Variants in LPAR1 observed in about 807,000 individuals in gnomAD.
The protein encoded by LPAR1 is lysophosphatidic acid receptor 1, also known as LPA receptor 1.
LPAR1 carries 5 observed loss-of-function variants against 23.8 expected under a neutral mutation model. That is an observed-to-expected ratio of 0.21 (90% CI 0.11 to 0.44). LPAR1 has a LOEUF of 0.44. Among genes scored for constraint, LPAR1 ranks in the 20% least tolerant of loss-of-function variants. LPAR1 has a pLI of 0.99. For synonymous variants in LPAR1, 160 were observed against 164.7 expected (o/e 0.97, Z 0.22); for missense variants, 311 against 482.8 (o/e 0.64, Z 3.33).
intron 5 of LPAR1, among the ~76,000 whole-genome samples, chr9:110,919,937 T>G (rs114089440): frequency 0.02 from 2,978 of 152,312 alleles, 102 homozygotes; most frequent in African/African-American, 0.066. Flanking sequence ...CACATCTATG[T>G]ACGTAGTTGT....
At chr9:110,947,757 C>T (rs1387487119) in intron 4 of LPAR1, among the ~76,000 whole-genome samples, 1 of 152,224 alleles carries the variant, frequency 6.6e-6, no homozygotes, top group Admixed American at 6.5e-5. Flanking sequence ...AAGACAATTA[C>T]ATACTCATTG....
intron 5 of LPAR1, among the ~76,000 whole-genome samples, chr9:110,929,804 G>A (rs975011558): frequency 2.6e-5 from 4 of 151,558 alleles, no homozygotes; most frequent in Non-Finnish European, 4.4e-5. Flanking sequence ...TAAAAAAGAA[G>A]TATTTGTTTT....
chr9:110,896,600 A>G (rs1435686623), intron 5 of LPAR1, among the ~76,000 whole-genome samples: 2 of 152,072 alleles, frequency 1.3e-5, no homozygotes, highest in Non-Finnish European at 2.9e-5. Context: ...GGCAAGAAAA[A>G]CAAAGGAAAG....
At chr9:111,019,723 TAGTCCC>T (rs1380549588) in intron 2 of LPAR1, among the ~76,000 whole-genome samples, 1 of 150,760 alleles carries the variant, frequency 6.6e-6, no homozygotes, top group Non-Finnish European at 1.5e-5. Context: ...CGGGCACCTG[TAGTCCC>T]AGCTACTCAG....
intron 4 of LPAR1, among the ~76,000 whole-genome samples, chr9:110,962,094 G>C (rs2096015917): frequency 6.6e-6 from 1 of 152,184 alleles, no homozygotes; most frequent in Non-Finnish European, 1.5e-5. Context: ...TGTAACTTCA[G>C]TGTTGCCCTA....
chr9:110,886,799 CCT>C (rs1450254517), intron 5 of LPAR1, among the ~76,000 whole-genome samples: 3 of 152,022 alleles, frequency 2.0e-5, no homozygotes, highest in Non-Finnish European at 2.9e-5. Context: ...AAAATTTCCC[CCT>C]TATTTAAAAA....
intron 2 of LPAR1, among the ~76,000 whole-genome samples, chr9:111,027,885 CAAAAAAAAAAAAAAA>C (rs10594862): frequency 1.8e-5 from 1 of 56,666 alleles, no homozygotes; most frequent in East Asian, 6.8e-4. Context: ...CACAAGTCCT[CAAAAAAAAAAAAAAA>C]AAAAAAAAAA....
chr9:110,966,787 C>G (rs1329563747), intron 4 of LPAR1, among the ~76,000 whole-genome samples: 2 of 152,118 alleles, frequency 1.3e-5, no homozygotes, highest in African/African-American at 4.8e-5. Context: ...TTTCAGATAC[C>G]TATTCTGGCC....
intron 4 of LPAR1, among the ~76,000 whole-genome samples, chr9:110,955,548 C>T (rs550237191): frequency 6.6e-6 from 1 of 152,242 alleles, no homozygotes; most frequent in Admixed American, 6.5e-5. Context: ...TTAAACTACA[C>T]TTTACACAAA....
intron 2 of LPAR1, among the ~76,000 whole-genome samples, chr9:111,016,467 T>C (rs1240786424): frequency 2.0e-5 from 3 of 152,192 alleles, no homozygotes; most frequent in Admixed American, 2.0e-4. Context: ...ACTTCCAGTC[T>C]TGCAAACTCT....
intron 4 of LPAR1, among the ~76,000 whole-genome samples, chr9:110,965,377 TC>T (rs2137675584): frequency 6.6e-6 from 1 of 152,258 alleles, no homozygotes; most frequent in East Asian, 1.9e-4. Flanking sequence ...AATCTATCCA[TC>T]TGACAAAGGT....
chr9:110,887,150 A>G (rs928963099), intron 5 of LPAR1, among the ~76,000 whole-genome samples: 4 of 151,902 alleles, frequency 2.6e-5, no homozygotes, highest in African/African-American at 9.7e-5. Flanking sequence ...AATCCTGTGG[A>G]TTTTTTTTCT....
intron 5 of LPAR1, among the ~76,000 whole-genome samples, chr9:110,907,013 G>A (rs1257778685): frequency 2.0e-5 from 3 of 152,102 alleles, no homozygotes; most frequent in Admixed American, 6.5e-5. Flanking sequence ...TTCTATGAAT[G>A]TACATTTTCT....
intron 5 of LPAR1, among the ~76,000 whole-genome samples, chr9:110,883,742 G>T (rs1445191174): frequency 1.3e-5 from 2 of 152,132 alleles, no homozygotes; most frequent in African/African-American, 4.8e-5. Flanking sequence ...TACAGCAGAA[G>T]CATGCCACAG....
intron 2 of LPAR1, among the ~76,000 whole-genome samples, chr9:110,994,640 G>A (rs2096960555): frequency 6.6e-6 from 1 of 152,136 alleles, no homozygotes; most frequent in African/African-American, 2.4e-5. Context: ...TTTGAGGGAG[G>A]CAGAGTAGAG....
At chr9:110,894,061 AC>A (rs1416192001) in intron 5 of LPAR1, among the ~76,000 whole-genome samples, 1 of 152,206 alleles carries the variant, frequency 6.6e-6, no homozygotes, top group Non-Finnish European at 1.5e-5. Context: ...TAATAATAAA[AC>A]CTTTATTAAA....
At chr9:110,968,662 T>A (rs1037178753) in intron 4 of LPAR1, among the ~76,000 whole-genome samples, 6 of 152,186 alleles carry the variant, frequency 3.9e-5, no homozygotes, top group African/African-American at 1.4e-4. Flanking sequence ...GCGTTGTAAC[T>A]TTTTGTTTTA....
chr9:110,889,273 G>C (rs1372849972), intron 5 of LPAR1, among the ~76,000 whole-genome samples: 2 of 152,146 alleles, frequency 1.3e-5, no homozygotes, highest in Non-Finnish European at 2.9e-5. Context: ...CAGGAGAATG[G>C]TGTGAAGCCG....
chr9:110,905,101 C>T (rs1389093878), intron 5 of LPAR1, among the ~76,000 whole-genome samples: 1 of 147,426 alleles, frequency 6.8e-6, no homozygotes, highest in African/African-American at 2.4e-5. Context: ...CATTCGGCAT[C>T]CTTTTAGATC....
Sources: gnomAD v4.1 joint callset for allele counts (sites outside exome capture counted in the v4.1 genomes callset) on GRCh38, gnomAD v4.1.1 for gene constraint, MANE v1.5 for transcripts, NCBI Gene and HGNC (gene_info 2026-07-23, HGNC 2026-07-21) for gene names.